TAF15: variants seen among roughly 807,000 people sequenced by gnomAD.
TAF15 encodes TATA-box binding protein associated factor 15, also known as TATA-binding protein-associated factor 2N.
A neutral mutation model predicts 102.5 loss-of-function variants in TAF15; 37 were observed. The ratio of observed to expected loss-of-function variants is 0.36; its 90% CI spans 0.28 to 0.47. TAF15 has a LOEUF of 0.47. Among genes scored for constraint, TAF15 ranks in the 20% least tolerant of loss-of-function variants. TAF15 has a pLI of 0.99. For missense variants in TAF15, 652 were observed against 760.7 expected (o/e 0.86, Z 1.68); for synonymous variants, 273 against 259.2 (o/e 1.05, Z -0.51).
chr17:35,835,907 T>A (rs1485422418), intron 9 of TAF15, among the ~76,000 whole-genome samples: 1 of 152,282 alleles, frequency 6.6e-6, no homozygotes, highest in Non-Finnish European at 1.5e-5. Flanking sequence ...TTTCACATAG[T>A]GTGGACTTGA....
intron 7 of TAF15, among the ~76,000 whole-genome samples, chr17:35,829,057 A>G (rs1290930319): frequency 6.9e-6 from 1 of 145,752 alleles, no homozygotes; most frequent in African/African-American, 2.4e-5. Context: ...GCTGTTATGG[A>G]GAATAGTACT....
At chr17:35,845,665 A>G (rs1056531866) in intron 15 of TAF15, among the ~76,000 whole-genome samples, 4 of 151,816 alleles carry the variant, frequency 2.6e-5, no homozygotes, top group Non-Finnish European at 4.4e-5. Flanking sequence ...GCCCGCCACC[A>G]CGCCCGGCTA....
At chr17:35,824,765 T>A (rs1598528958) in intron 7 of TAF15, among the ~76,000 whole-genome samples, 1 of 152,232 alleles carries the variant, frequency 6.6e-6, no homozygotes, top group African/African-American at 2.4e-5. Flanking sequence ...TATTTTGTCT[T>A]GACTAAGTTG....
chr17:35,819,522 A>G (rs2087235101), intron 2 of TAF15, among the ~76,000 whole-genome samples: 1 of 152,156 alleles, frequency 6.6e-6, no homozygotes, highest in Non-Finnish European at 1.5e-5. Flanking sequence ...AATTATTGAG[A>G]CTTTTAAACT....
intron 9 of TAF15, 78 bp downstream of exon 9, chr17:35,834,676 G>C (rs1382599221): frequency 3.6e-6 from 5 of 1,377,212 alleles, no homozygotes; most frequent in Non-Finnish European, 5.2e-6. Flanking sequence ...TGTGTGTTTG[G>C]AGGGGCTTAG....
chr17:35,835,477 A>G (rs2087462517), intron 9 of TAF15, among the ~76,000 whole-genome samples: 1 of 152,228 alleles, frequency 6.6e-6, no homozygotes, highest in South Asian at 2.1e-4. Flanking sequence ...TATTTGAGCT[A>G]AAAATTTGAA....
chr17:35,845,339 C>T (rs1004442322), intron 15 of TAF15, among the ~76,000 whole-genome samples: 5 of 152,112 alleles, frequency 3.3e-5, no homozygotes. Context: ...ATTGTAACCT[C>T]AAACTCTTAG....
chr17:35,845,604 C>T (rs953350925), intron 15 of TAF15, among the ~76,000 whole-genome samples: 14 of 152,100 alleles, frequency 9.2e-5, no homozygotes, highest in African/African-American at 1.4e-4. Context: ...GCCCCGCCTC[C>T]TGGGTTCACG....
rs1003592192 is a variant in TAF15 at position 35,826,728 on chromosome 17, T to A, written c.605+2530T>A. ...GTGTGCCAGCACACCCGGCTAATTTTTTTTTTTTTTTTTTTTTTAAGTAGT... is the reference window on the plus strand; with the variant it reads ...GTGTGCCAGCACACCCGGCTAATTTATTTTTTTTTTTTTTTTTTAAGTAGT... On this transcript the variant is annotated intron_variant, in intron 7 of 15. Transcript: ENST00000605844. Among the ~76,000 whole-genome samples the A allele has an allele frequency of 4.0e-5, 6 of 149,068 alleles. No individual in the cohort carries two copies. In the South Asian group the frequency reaches 1.3e-3, roughly 32 times the overall value.
chr17:35,814,483 G>C (rs1416295242), intron 1 of TAF15, among the ~76,000 whole-genome samples: 1 of 149,972 alleles, frequency 6.7e-6, no homozygotes, highest in African/African-American at 2.4e-5. Flanking sequence ...TTTTTTTTAA[G>C]TTATGTTACT....
At chr17:35,826,169 C>T (rs186223151) in intron 7 of TAF15, among the ~76,000 whole-genome samples, 1 of 152,110 alleles carries the variant, frequency 6.6e-6, no homozygotes, top group East Asian at 1.9e-4. Context: ...TTTTATTTTC[C>T]TTTAATACCC....
At position 35,810,193 on chromosome 17, in the gene TAF15, C is replaced by CTCTTCACCCTAATTTAGCTTCT. The variant is rs541731180; in HGVS notation, c.7+627_7+628insAATTTAGCTTCTTCTTCACCCT. On this transcript the variant is annotated intron_variant, in intron 1 of 15. Coordinates refer to ENST00000605844, the MANE Select transcript of TAF15 (RefSeq NM_139215.3). ...GGTGTTTGCATAGTAATTTAGCTTC[C>CTCTTCACCCTAATTTAGCTTCT]TCTTCACCCTCCTGCCATTCGTCTT... The CTCTTCACCCTAATTTAGCTTCT allele has an allele frequency of 4.1e-3, 646 of 156,670 alleles. 7 individuals are homozygous for CTCTTCACCCTAATTTAGCTTCT. Among genetic ancestry groups the CTCTTCACCCTAATTTAGCTTCT allele is most frequent in the African/African-American group, 0.015 (618 of 41,564 alleles). 9.7% of individuals were successfully genotyped at this position (156,670 alleles called of 1,614,324 possible).
At chr17:35,841,049 C>G (rs1381198114) in intron 11 of TAF15, among the ~76,000 whole-genome samples, 1 of 152,186 alleles carries the variant, frequency 6.6e-6, no homozygotes. Context: ...ATGGTATATT[C>G]AGAAATTATA....
At chr17:35,821,675 G>T (rs2087259550) in intron 5 of TAF15, among the ~76,000 whole-genome samples, 1 of 152,022 alleles carries the variant, frequency 6.6e-6, no homozygotes, top group South Asian at 2.1e-4. Context: ...TTCCCACCCT[G>T]AGAGCATGTA....
chr17:35,819,729 A>G (rs1298436259), intron 2 of TAF15, among the ~76,000 whole-genome samples: 1 of 152,228 alleles, frequency 6.6e-6, no homozygotes, highest in African/African-American at 2.4e-5. Context: ...ACACCCAAGC[A>G]TAATTCTCTT....
chr17:35,826,021 G>C (rs2087321154), intron 7 of TAF15, among the ~76,000 whole-genome samples: 1 of 152,040 alleles, frequency 6.6e-6, no homozygotes, highest in Non-Finnish European at 1.5e-5. Context: ...AGGATCGAAA[G>C]GACTTTGAAT....
intron 1 of TAF15, 42 bp from the exon 2 acceptor site, chr17:35,817,674 A>C: frequency 1.3e-6 from 2 of 1,586,016 alleles, no homozygotes; most frequent in South Asian, 2.2e-5. Flanking sequence ...TGAAGGAACC[A>C]TAATTTTAAA....
chr17:35,843,934 A>G, intron 12 of TAF15, 143 bp from the exon 13 acceptor site: 3 of 807,726 alleles, frequency 3.7e-6, no homozygotes, highest in Non-Finnish European at 6.6e-6. Flanking sequence ...AAATCAAAGA[A>G]TTACAAAGTC....
At chr17:35,822,385 C>T (rs541821275) in intron 5 of TAF15, among the ~76,000 whole-genome samples, 1 of 151,940 alleles carries the variant, frequency 6.6e-6, no homozygotes, top group East Asian at 1.9e-4. Flanking sequence ...AGTAAAAAGC[C>T]ATAGTAATTT....
Sources: gnomAD v4.1 joint callset for allele counts (sites outside exome capture counted in the v4.1 genomes callset) on GRCh38, gnomAD v4.1.1 for gene constraint, MANE v1.5 for transcripts, NCBI Gene and HGNC (gene_info 2026-07-23, HGNC 2026-07-21) for gene names.